Variants in RTF1 observed in about 807,000 individuals in gnomAD.
RTF1 encodes the protein RTF1 homolog, Paf1/RNA polymerase II complex component, also known as RNA polymerase-associated protein RTF1 homolog.
A neutral mutation model predicts 95.7 loss-of-function variants in RTF1; 10 were observed. The ratio of observed to expected loss-of-function variants is 0.10; its 90% confidence interval spans 0.06 to 0.18. RTF1 has a LOEUF of 0.18. Among genes scored for constraint, RTF1 ranks in the 10% least tolerant of loss-of-function variants. RTF1 has a pLI of 1.00. For missense variants in RTF1, 458 were observed against 875.6 expected (o/e 0.52, Z 6.02); for synonymous variants, 305 against 311.8 (o/e 0.98, Z 0.23).
intron 1 of RTF1, among the ~76,000 whole-genome samples, chr15:41,424,833 A>G (rs997420314): frequency 3.3e-5 from 5 of 152,006 alleles, no homozygotes; most frequent in African/African-American, 1.2e-4. Context: ...ACATGGCGAA[A>G]CCCCATCTCT....
chr15:41,462,396 G>A (rs1182973629), intron 4 of RTF1, among the ~76,000 whole-genome samples: 1 of 152,166 alleles, frequency 6.6e-6, no homozygotes, highest in African/African-American at 2.4e-5. Flanking sequence ...TGACATTGCA[G>A]TTAGAAGGTC....
intron 6 of RTF1, among the ~76,000 whole-genome samples, chr15:41,468,632 A>G (rs577007442): frequency 6.6e-6 from 1 of 152,120 alleles, no homozygotes; most frequent in Non-Finnish European, 1.5e-5. Flanking sequence ...AGAAACTTCT[A>G]ATCAGCTATT....
chr15:41,468,620 A>C (rs1346844609), intron 6 of RTF1, among the ~76,000 whole-genome samples: 1 of 152,126 alleles, frequency 6.6e-6, no homozygotes, highest in Non-Finnish European at 1.5e-5. Flanking sequence ...CCCGGCCTAA[A>C]GAGAAACTTC....
intron 3 of RTF1, among the ~76,000 whole-genome samples, chr15:41,455,232 T>A (rs780582727): frequency 2.6e-5 from 4 of 151,318 alleles, no homozygotes; most frequent in Admixed American, 2.0e-4. Flanking sequence ...GAGAATCGCT[T>A]GAACCAGGGA....
At chr15:41,430,254 G>A (rs1439507871) in intron 1 of RTF1, among the ~76,000 whole-genome samples, 1 of 145,624 alleles carries the variant, frequency 6.9e-6, no homozygotes, top group Non-Finnish European at 1.5e-5. Flanking sequence ...TCGGCTCACT[G>A]CAACCTCTGG....
chr15:41,458,384 G>T (rs969409342), intron 4 of RTF1, among the ~76,000 whole-genome samples: 1 of 152,114 alleles, frequency 6.6e-6, no homozygotes, highest in Non-Finnish European at 1.5e-5. Context: ...TCAAACCTGG[G>T]ACCATCTGAC....
intron 2 of RTF1, among the ~76,000 whole-genome samples, chr15:41,449,284 G>A (rs2730058): frequency 0.22 from 31,084 of 142,540 alleles, 3,676 homozygotes; most frequent in Non-Finnish European, 0.26. Flanking sequence ...AGGCTGGAGT[G>A]CAGTGGTACG....
intron 9 of RTF1, 105 bp from the exon 10 acceptor site, chr15:41,475,420 A>T: frequency 1.2e-6 from 1 of 824,704 alleles, no homozygotes; most frequent in Non-Finnish European, 2.0e-6. Flanking sequence ...ATTGAGAACC[A>T]CTGCAATAGG....
chr15:41,426,464 C>A (rs1158648589), intron 1 of RTF1, among the ~76,000 whole-genome samples: 1 of 151,926 alleles, frequency 6.6e-6, no homozygotes, highest in African/African-American at 2.4e-5. Flanking sequence ...CGCCACCATG[C>A]CTGACTAATT....
intron 8 of RTF1, 143 bp downstream of exon 8, chr15:41,471,492 G>C (rs1192093549): frequency 3.7e-6 from 3 of 820,678 alleles, no homozygotes; most frequent in Non-Finnish European, 5.4e-6. Flanking sequence ...CCATAGAGCA[G>C]TGAGGTGCCC....
chr15:41,436,173 TG>T (rs1315028138), intron 1 of RTF1, among the ~76,000 whole-genome samples: 1 of 150,538 alleles, frequency 6.6e-6, no homozygotes, highest in Non-Finnish European at 1.5e-5. Context: ...CAGGCATGGC[TG>T]GGTGCAGTGG....
intron 4 of RTF1, among the ~76,000 whole-genome samples, chr15:41,464,304 G>C (rs2050869175): frequency 6.7e-6 from 1 of 149,582 alleles, no homozygotes; most frequent in African/African-American, 2.5e-5. Context: ...AGGCTGGAGT[G>C]CAGTGGCGCG....
intron 1 of RTF1, among the ~76,000 whole-genome samples, chr15:41,429,869 A>G (rs931828658): frequency 1.3e-5 from 2 of 151,946 alleles, no homozygotes; most frequent in Non-Finnish European, 2.9e-5. Flanking sequence ...ACTTACCATT[A>G]GATGGAATTC....
chr15:41,479,992 C>T (rs920184136), intron 16 of RTF1, among the ~76,000 whole-genome samples: 2 of 152,196 alleles, frequency 1.3e-5, no homozygotes, highest in Non-Finnish European at 2.9e-5. Flanking sequence ...CCTTTCTACA[C>T]TCATACCACA....
intron 2 of RTF1, among the ~76,000 whole-genome samples, chr15:41,444,123 T>C (rs1437437855): frequency 1.3e-5 from 2 of 150,588 alleles, no homozygotes; most frequent in East Asian, 2.0e-4. Context: ...ATACAAAAAT[T>C]AGTCAGGTGT....
intron 1 of RTF1, among the ~76,000 whole-genome samples, chr15:41,432,182 G>A (rs972086653): frequency 6.7e-6 from 1 of 149,698 alleles, no homozygotes. Flanking sequence ...AAGGAGAGCT[G>A]TTTGTTAGGT....
At chr15:41,436,884 C>T (rs1202105911) in intron 1 of RTF1, among the ~76,000 whole-genome samples, 1 of 151,814 alleles carries the variant, frequency 6.6e-6, no homozygotes, top group Non-Finnish European at 1.5e-5. Flanking sequence ...GTCAGGAGAT[C>T]GAGACCATCC....
chr15:41,472,558 G>T (rs918297439), intron 8 of RTF1, among the ~76,000 whole-genome samples: 1 of 151,674 alleles, frequency 6.6e-6, no homozygotes, highest in South Asian at 2.1e-4. Context: ...TTACCCCGTT[G>T]CCCAGGCTGG....
chr15:41,454,473 G>C (rs1319592452), intron 3 of RTF1, among the ~76,000 whole-genome samples: 1 of 152,114 alleles, frequency 6.6e-6, no homozygotes, highest in East Asian at 1.9e-4. Flanking sequence ...TTCAATCATA[G>C]TGATAAAGTT....
Sources: allele counts gnomAD v4.1 joint callset (sites outside exome capture counted in the v4.1 genomes callset), GRCh38; gene constraint gnomAD v4.1.1; transcripts MANE v1.5; gene names NCBI Gene and HGNC (gene_info 2026-07-23, HGNC 2026-07-21).